The following CAPN2 variants were observed in gnomAD, a reference collection of about 807,000 sequenced individuals.
The protein encoded by CAPN2 is calpain-2 catalytic subunit.
CAPN2 carries 92 observed loss-of-function variants against 102.3 expected under a neutral mutation model. The observed-to-expected ratio is 0.90, with a 90% CI of 0.76 to 1.07. The LOEUF (loss-of-function observed/expected upper bound fraction) is 1.07. Ranked by LOEUF, CAPN2 falls within the 50% of genes least tolerant of loss-of-function variation. CAPN2 has a pLI of 0.00. For missense variants in CAPN2, 800 were observed against 909.4 expected (o/e 0.88, Z 1.55); for synonymous variants, 340 against 355.4 (o/e 0.96, Z 0.49).
intron 20 of CAPN2, 55 bp from the exon 21 acceptor site, chr1:223,774,779 G>C (rs1661570800): frequency 6.5e-7 from 1 of 1,542,094 alleles, no homozygotes; most frequent in Non-Finnish European, 9.0e-7. Context: ...TACTTAAATA[G>C]CCTTTAATTT....
upstream of CAPN2, among the ~76,000 whole-genome samples, chr1:223,709,621 T>C (rs1659687535): frequency 6.6e-6 from 1 of 150,672 alleles, no homozygotes; most frequent in Non-Finnish European, 1.5e-5. Flanking sequence ...AATTGTGCCA[T>C]TGCACTCCAG....
At position 223,740,598 on chromosome 1, in the gene CAPN2, G is replaced by A. The variant is rs191714809; in HGVS notation, c.308-3502G>A. 1.7e-4 allele frequency among the ~76,000 whole-genome samples: 26 copies of A among 152,332 alleles called. 1 individual carries two copies. The East Asian group carries it at 5.0e-3, about 29-fold the overall frequency. ...ACCTTTAGATAAGGAAGAGGAACAG[G>A]CTATGACCTAATGCTTGCTTGGACC... is the stretch of plus-strand genomic sequence containing the variant. On this transcript the variant is annotated intron_variant, in intron 2 of 20. Transcript: ENST00000295006.
At position 223,744,083 on chromosome 1, in the gene CAPN2, T is replaced by C. The variant is rs183076282; in HGVS notation, c.308-17T>C. 6.5e-4 allele frequency: 1,009 copies of C among 1,545,000 alleles called. 6 individuals carry two copies. The African/African-American group carries it at 0.012, about 19-fold the overall frequency. ...TCTAAGACCCTCTGATAAGAGCTCC[T>C]TGTGCTGTGTTCACAGGTGACTGCT... On this transcript the variant is annotated splice_polypyrimidine_tract_variant and intron_variant, in intron 2 of 20. Transcript: ENST00000295006.
intron 2 of CAPN2, among the ~76,000 whole-genome samples, chr1:223,736,435 A>G (rs1402967688): frequency 6.6e-6 from 1 of 152,218 alleles, no homozygotes; most frequent in Non-Finnish European, 1.5e-5. Flanking sequence ...GGAGCAGGCA[A>G]CCACCAGCCT....
intron 16 of CAPN2, among the ~76,000 whole-genome samples, chr1:223,768,127 C>G (rs1311863418): frequency 6.6e-6 from 1 of 151,614 alleles, no homozygotes; most frequent in South Asian, 2.1e-4. Flanking sequence ...AAATTTTCTC[C>G]CATTTTGTAG....
chr1:223,740,204 C>T (rs988002476), intron 2 of CAPN2, among the ~76,000 whole-genome samples: 8 of 152,114 alleles, frequency 5.3e-5, no homozygotes, highest in East Asian at 1.9e-4. Flanking sequence ...GAGAGAACAC[C>T]GTGCCACCTG....
At chr1:223,721,082 C>G (rs955434785) in intron 2 of CAPN2, among the ~76,000 whole-genome samples, 1 of 152,226 alleles carries the variant, frequency 6.6e-6, no homozygotes, top group African/African-American at 2.4e-5. Context: ...CACCCACGCT[C>G]CTTCCCAGAA....
At chr1:223,750,691 G>A (rs760297906) in intron 6 of CAPN2, among the ~76,000 whole-genome samples, 199 bp from the exon 7 acceptor site, 6 of 152,226 alleles carry the variant, frequency 3.9e-5, no homozygotes, top group Non-Finnish European at 5.9e-5. Flanking sequence ...CCAAAGCTAG[G>A]CAGCAGTGAG....
chr1:223,769,330 A>G (rs1661412687), intron 16 of CAPN2, among the ~76,000 whole-genome samples: 1 of 152,066 alleles, frequency 6.6e-6, no homozygotes, highest in Non-Finnish European at 1.5e-5. Flanking sequence ...CGTGTTGGCC[A>G]GGCTGGTGTC....
intron 4 of CAPN2, 57 bp from the exon 5 acceptor site, chr1:223,746,940 G>C (rs1660764193): frequency 6.7e-7 from 1 of 1,499,890 alleles, no homozygotes; most frequent in Non-Finnish European, 9.1e-7. Flanking sequence ...GGCTGTTTGA[G>C]AGATTATAGC....
In CAPN2 at chr1:223,725,683, G is replaced by A. The variant is rs1660172985; in HGVS notation, c.307+7852G>A. Among the ~76,000 whole-genome samples the A allele has an allele frequency of 1.3e-5, 2 of 152,142 alleles. No homozygotes were observed. Among genetic ancestry groups the A allele is most frequent in the Admixed American group, 1.3e-4 (2 of 15,270 alleles). On this transcript the variant is annotated intron_variant, in intron 2 of 20. Transcript: ENST00000295006. This position sits in a 1 kb window ranked among gnomAD's most constrained non-coding sequence, Gnocchi z 4.1. ...GACAGAGGAGGTGGTGTCCCAGGGG[G>A]AAGGTCCGGAAACTCAGAGGAGTTT...
intron 1 of CAPN2, among the ~76,000 whole-genome samples, chr1:223,705,994 T>C (rs1205625062): frequency 6.6e-6 from 1 of 152,184 alleles, no homozygotes; most frequent in Non-Finnish European, 1.5e-5. Context: ...TAAGACTACA[T>C]GTATTATTAG....
At chr1:223,732,160 C>T (rs562546245) in intron 2 of CAPN2, among the ~76,000 whole-genome samples, 1 of 152,238 alleles carries the variant, frequency 6.6e-6, no homozygotes, top group East Asian at 1.9e-4. Flanking sequence ...AGGTCATAAA[C>T]ATGCCTCTCC....
chr1:223,729,920 T>C (rs1462349187), intron 2 of CAPN2, among the ~76,000 whole-genome samples: 1 of 145,700 alleles, frequency 6.9e-6, no homozygotes, highest in East Asian at 2.0e-4. Flanking sequence ...GAGAATCGCT[T>C]GAACCCAGAA....
At chr1:223,724,098 C>T (rs960910779) in intron 2 of CAPN2, among the ~76,000 whole-genome samples, 3 of 152,096 alleles carry the variant, frequency 2.0e-5, no homozygotes, top group Non-Finnish European at 4.4e-5. Context: ...TTCCTGATGC[C>T]CCACTACTTC....
intron 2 of CAPN2, among the ~76,000 whole-genome samples, chr1:223,735,528 A>T (rs1660434602): frequency 1.3e-5 from 1 of 76,194 alleles, no homozygotes; most frequent in South Asian, 3.6e-4. Flanking sequence ...ACTCTATCTA[A>T]AAAAAAAAAA....
chr1:223,761,296 G>C (rs1293627511), intron 12 of CAPN2, among the ~76,000 whole-genome samples: 1 of 152,172 alleles, frequency 6.6e-6, no homozygotes, highest in African/African-American at 2.4e-5. Context: ...CCTTCCTTCA[G>C]ATCACTTCTG....
intron 2 of CAPN2, among the ~76,000 whole-genome samples, chr1:223,734,023 G>T (rs1039944819): frequency 6.6e-6 from 1 of 152,156 alleles, no homozygotes; most frequent in Non-Finnish European, 1.5e-5. Flanking sequence ...CAGGAGGAGG[G>T]AGGCTGTTAA....
At chr1:223,728,854 C>T (rs372694996) in intron 2 of CAPN2, among the ~76,000 whole-genome samples, 1 of 145,306 alleles carries the variant, frequency 6.9e-6, no homozygotes, top group Admixed American at 6.7e-5. Flanking sequence ...GCTCAGGAGC[C>T]CTGACTTGCA....
Sources: gnomAD v4.1 joint callset for allele counts (sites outside exome capture counted in the v4.1 genomes callset) on GRCh38, gnomAD v4.1.1 for gene constraint, Gnocchi (gnomAD v3.1) non-coding constraint, MANE v1.5 for transcripts, NCBI Gene and HGNC (gene_info 2026-07-23, HGNC 2026-07-21) for gene names.